The following HEATR1 variants were observed in gnomAD, a reference collection of about 807,000 sequenced individuals.
HEATR1 encodes HEAT repeat-containing protein 1.
A neutral mutation model predicts 248.2 loss-of-function variants in HEATR1; 77 were observed. The observed-to-expected ratio is 0.31, with a 90% CI of 0.26 to 0.37. The LOEUF is 0.37. Ranked by LOEUF, HEATR1 falls within the 10% of genes least tolerant of loss-of-function variation. HEATR1 has a pLI of 1.00. For missense variants in HEATR1, 2,420 were observed against 2,504.9 expected, an observed-to-expected ratio of 0.97 and a Z score of 0.72; for synonymous variants, 897 against 923.1, an observed-to-expected ratio of 0.97 and a Z score of 0.51.
chr1:236,576,741 G>A (rs1365379517), intron 21 of HEATR1, 39 bp downstream of exon 21: 2 of 1,575,810 alleles, frequency 1.3e-6, no homozygotes, highest in South Asian at 2.4e-5. Flanking sequence ...AGTACACAGA[G>A]GCATGAACAC....
In HEATR1 at chr1:236,583,111, T is replaced by C; in HGVS notation, c.2327A>G (p.Asn776Ser). 5 of 1,614,162 alleles carry C rather than the reference T, an allele frequency of 3.1e-6. No individual in the cohort carries two copies. The highest frequency in any genetic ancestry group is 2.5e-6 in the Non-Finnish European group (3 of 1,179,968). Residue 776 changes from asparagine (N) to serine (S), a missense_variant, in exon 18 of 45, where the codon AAC (asparagine) becomes AGC (serine). By Grantham distance (46) the Asn-to-Ser change is conservative. Coordinates refer to ENST00000366582, the MANE Select transcript of HEATR1 (RefSeq NM_018072.6). ...ELWAHYVEELNSTQRVAVEDS... is the reference protein window; with the variant it reads ...ELWAHYVEELSSTQRVAVEDS... ...CTCCACGGCCACCCTCTGAGTGCTGTTGAGCTCTTCTACATAATGTGCCCA... is the reference window on the plus strand; with the variant it reads ...CTCCACGGCCACCCTCTGAGTGCTGCTGAGCTCTTCTACATAATGTGCCCA...
At chr1:236,590,159 C>G (rs1423781255) in intron 12 of HEATR1, among the ~76,000 whole-genome samples, 3 of 152,184 alleles carry the variant, frequency 2.0e-5, no homozygotes, top group Non-Finnish European at 2.9e-5. Context: ...AATCATGGAA[C>G]AGTGTTCAAA....
intron 3 of HEATR1, among the ~76,000 whole-genome samples, chr1:236,602,170 TAAAAC>T (rs1664343760): frequency 1.3e-5 from 2 of 151,688 alleles, no homozygotes; most frequent in Non-Finnish European, 2.9e-5. Context: ...GGAGAATAAA[TAAAAC>T]AAAAATGTGT....
At position 236,558,257 on chromosome 1, in the gene HEATR1, C is replaced by T. The variant is rs1663029104; in HGVS notation, c.5184G>A (p.Leu1728=). ...CATACCTGGGAAGCTGGGGGATGGC[C>T]AGCGCCTCCAGGGTGGAGGTCACCT... ...IAEVTSTLEA[L]AIPQLPSLMP... is the part of the protein sequence containing the mutation. Residue 1728 remains leucine, a synonymous_variant, in exon 36 of 45, where the codon CTG becomes CTA. Transcript: ENST00000366582. 6.2e-7 allele frequency: 1 copy of T among 1,612,686 alleles called. No homozygotes were observed. Among genetic ancestry groups the T allele is most frequent in the South Asian group, 1.1e-5 (1 of 90,944 alleles).
chr1:236,585,051 T>C lies in HEATR1; in HGVS notation c.2215A>G (p.Lys739Glu), dbSNP rs137889824. The C allele has an allele frequency of 3.7e-6, 6 of 1,613,188 alleles. No homozygotes were observed. In the African/African-American group the frequency reaches 8.0e-5, roughly 22 times the overall value. ...ACTGCAGTAATGACACTTTCAAGCT[T>C]CTTTATTTTTTTCTGCAACAAACTG... Reference protein sequence around the residue: ...VFSLLQKKIKKLESVITAVEI... With the variant: ...VFSLLQKKIKELESVITAVEI... The change falls in exon 17 of 45, where the codon AAG becomes GAG. Residue 739 changes from lysine to glutamate, a missense_variant. By Grantham distance (56) the Lys-to-Glu change is moderately conservative. Coordinates refer to ENST00000366582, the MANE Select transcript of HEATR1 (RefSeq NM_018072.6).
chr1:236,597,800 A>T, intron 5 of HEATR1, 78 bp downstream of exon 5: 1 of 855,744 alleles, frequency 1.2e-6, no homozygotes, highest in Non-Finnish European at 1.9e-6. Context: ...GTTATTAGGG[A>T]ATGTTTTAGT....
chr1:236,582,829 C>T lies in HEATR1; in HGVS notation c.2469G>A (p.Arg823=). The T allele has an allele frequency of 6.2e-7, 1 of 1,613,990 alleles. No homozygotes were observed. Among genetic ancestry groups the T allele is most frequent in the Non-Finnish European group, 8.5e-7 (1 of 1,179,884 alleles). Residue 823 remains arginine, a synonymous_variant, in exon 19 of 45, where the codon AGG becomes AGA. Transcript: ENST00000366582. The part of the protein sequence containing the change: ...WNPEQLKEDS[R]DYLHLLIGLF... ...GCCCAATGAGCAAGTGCAGATAGTC[C>T]CTGCTGTCTTCTTTCAGTTGTTCAG...
chr1:236,554,212 C>T (rs1662871202), intron 42 of HEATR1, among the ~76,000 whole-genome samples: 1 of 152,084 alleles, frequency 6.6e-6, no homozygotes, highest in Non-Finnish European at 1.5e-5. Flanking sequence ...GCCAACATGG[C>T]AAAACCTCAT....
Position 236,576,280 on chromosome 1 carries a change from T to C in HEATR1, c.3023A>G (p.Tyr1008Cys). Reference protein sequence around the residue: ...ETLKNLLSCVYSCPSYIAKDL... With the variant: ...ETLKNLLSCVCSCPSYIAKDL... ...TTTTGCTATATAAGATGGGCAACTATACACACAACTAAGTAAGTTTTTCAA... is the reference window on the plus strand; with the variant it reads ...TTTTGCTATATAAGATGGGCAACTACACACACAACTAAGTAAGTTTTTCAA... The change falls in exon 22 of 45, where the codon TAT becomes TGT. Residue 1008 changes from tyrosine (Y) to cysteine (C), a missense_variant. Coordinates refer to ENST00000366582, the MANE Select transcript of HEATR1 (RefSeq NM_018072.6). The C allele has an allele frequency of 2.5e-6, 4 of 1,611,196 alleles. No individual in the cohort carries two copies. Among genetic ancestry groups the C allele is most frequent in the Non-Finnish European group, 3.4e-6 (4 of 1,178,934 alleles).
chr1:236,567,224 C>T (rs1287299567), intron 29 of HEATR1, among the ~76,000 whole-genome samples: 1 of 152,120 alleles, frequency 6.6e-6, no homozygotes, highest in African/African-American at 2.4e-5. Context: ...CAAATAATCC[C>T]ACCTCAGCCT....
chr1:236,555,853 T>TACAAC lies in HEATR1; in HGVS notation c.5600_5601insGTTGT (p.Thr1868LeufsTer2). The stretch of plus-strand genomic sequence containing the variant: ...CCAGGGCTTCCAGGAAAAAGGCGGT[T>TACAAC]AGCTGAGACTGATGGGAGGTGAGCT... On this transcript the variant is annotated frameshift_variant, in exon 39 of 45. Transcript: ENST00000366582. LOFTEE classifies it high-confidence loss of function. 1 of 1,613,160 alleles carries TACAAC rather than the reference T, an allele frequency of 6.2e-7. No homozygotes were observed. The highest frequency in any genetic ancestry group is 1.7e-4 in the Middle Eastern group (1 of 6,060).
intron 10 of HEATR1, 86 bp from the exon 11 acceptor site, chr1:236,592,196 A>T: frequency 1.4e-6 from 1 of 734,118 alleles, no homozygotes; most frequent in Non-Finnish European, 2.2e-6. Context: ...AAAGACATAA[A>T]ATCTTAAAAA....
chr1:236,555,817 G>C lies in HEATR1; in HGVS notation c.5637C>G (p.Ala1879=). The change falls in exon 39 of 45, where the codon GCC becomes GCG. Residue 1879 remains alanine, a synonymous_variant. Transcript: ENST00000366582. ...AACCTGAGCTTACCTCAGAGTGCTG[G>C]GCTCGGAAGTCCAGGGCTTCCAGGA... is the stretch of plus-strand genomic sequence containing the variant. ...AFFLEALDFR[A]QHSENDLEEV... 6.2e-7 allele frequency: 1 copy of C among 1,614,136 alleles called. No individual in the cohort carries two copies.
Position 236,551,770 on chromosome 1 carries a change from G to A in HEATR1, c.6346+229C>T, listed in dbSNP as rs575611598. ...AGATCGTGAAGATTACACTGTAAAC[G>A]GACTCTCAAATGATCAGGAGGTGGT... is the stretch of plus-strand genomic sequence containing the variant. On this transcript the variant is annotated intron_variant, in intron 44 of 44. Transcript: ENST00000366582. The A allele has an allele frequency of 1.0e-3, 478 of 468,258 alleles. 5 individuals are homozygous for A. In the South Asian group the frequency reaches 0.014, roughly 14 times the overall value. 29.0% of individuals were successfully genotyped at this position (468,258 alleles called of 1,614,324 possible). A position where few individuals can be genotyped will look rare whatever the true frequency, so the allele number is the denominator to read the frequency against.
chr1:236,574,613 T>A, intron 23 of HEATR1, 48 bp downstream of exon 23: 1 of 1,565,614 alleles, frequency 6.4e-7, no homozygotes, highest in Non-Finnish European at 8.6e-7. Context: ...CTTCTACCTT[T>A]AAATGCTTGA....
Position 236,576,244 on chromosome 1 carries a change from T to C in HEATR1, c.3059A>G (p.Lys1020Arg). 1.2e-6 allele frequency: 2 copies of C among 1,604,344 alleles called. No homozygotes were observed. Among genetic ancestry groups the C allele is most frequent in the South Asian group, 2.3e-5 (2 of 88,484 alleles). ...CPSYIAKDLMKVLQGVNGEMV... is the reference protein window; with the variant it reads ...CPSYIAKDLMRVLQGVNGEMV... ...CTCACCGTTGACTCCCTGAAGTACT[T>C]TCATCAAATCTTTTGCTATATAAGA... Residue 1020 changes from lysine (K) to arginine (R), a missense_variant, in exon 22 of 45, where the codon AAA becomes AGA. Transcript: ENST00000366582.
chr1:236,601,235 C>A (rs2102801468), intron 3 of HEATR1, among the ~76,000 whole-genome samples: 1 of 151,536 alleles, frequency 6.6e-6, no homozygotes, highest in South Asian at 2.1e-4. Flanking sequence ...ATTAGTTTAT[C>A]CCCACGTCTC....
chr1:236,570,420 T>C (rs1320330496), intron 28 of HEATR1, among the ~76,000 whole-genome samples: 1 of 152,126 alleles, frequency 6.6e-6, no homozygotes, highest in African/African-American at 2.4e-5. Context: ...GAAAATGGAT[T>C]ACTAGTGGCC....
chr1:236,571,025 A>G (rs1447110187), intron 28 of HEATR1, among the ~76,000 whole-genome samples: 1 of 152,226 alleles, frequency 6.6e-6, no homozygotes, highest in Non-Finnish European at 1.5e-5. Context: ...ACTTTTCCCA[A>G]TTAACACCAA....
Sources: allele counts gnomAD v4.1 joint callset (sites outside exome capture counted in the v4.1 genomes callset), GRCh38; gene constraint gnomAD v4.1.1; transcripts MANE v1.5; gene names NCBI Gene and HGNC (gene_info 2026-07-23, HGNC 2026-07-21).